The following GAS7 variants were observed in gnomAD, a reference collection of about 807,000 sequenced individuals.
The protein encoded by GAS7 is growth arrest-specific protein 7.
A neutral mutation model predicts 71.1 loss-of-function variants in GAS7; 28 were observed. That is an observed-to-expected ratio of 0.39 (90% CI 0.29 to 0.54). GAS7 has a LOEUF of 0.54. Ranked by LOEUF, GAS7 falls within the 20% of genes least tolerant of loss-of-function variation. The pLI, the probability that GAS7 is intolerant of heterozygous loss-of-function variation, is 0.62. For synonymous variants in GAS7, 258 were observed against 245.8 expected (o/e 1.05, Z -0.46); for missense variants, 436 against 627.8 (o/e 0.69, Z 3.27).
At position 9,917,285 on chromosome 17, in the gene GAS7, C is replaced by T; in HGVS notation, c.1374G>A (p.Glu458=). 1 of 1,614,094 alleles carries T rather than the reference C, an allele frequency of 6.2e-7. No individual in the cohort carries two copies. ...CCGTCTTGTGCTCTCTGACCCACAG[C>T]TCCCTGTCTTTGGCCGGGTCCACTT... ...LRKVDPAKDR[E]LWVREHKTGN... is the part of the protein sequence containing the mutation. Residue 458 remains glutamate (E), a synonymous_variant, in exon 14 of 14, where the codon GAG becomes GAA. Transcript: ENST00000432992.
At chr17:10,045,938 A>G (rs1248485143) in intron 1 of GAS7, among the ~76,000 whole-genome samples, 1 of 152,184 alleles carries the variant, frequency 6.6e-6, no homozygotes, top group Non-Finnish European at 1.5e-5. Context: ...AAGCAATAAT[A>G]TCTATGAAAT....
At chr17:10,020,309 G>A (rs1389547441) in intron 1 of GAS7, among the ~76,000 whole-genome samples, 1 of 152,168 alleles carries the variant, frequency 6.6e-6, no homozygotes, top group Admixed American at 6.5e-5. Context: ...CAAGGCCCCA[G>A]GCTTGCTGTG....
At position 9,981,184 on chromosome 17, in the gene GAS7, C is replaced by T. The variant is rs929051395; in HGVS notation, c.385+620G>A. 1.3e-5 allele frequency among the ~76,000 whole-genome samples: 2 copies of T among 150,996 alleles called. No homozygotes were observed. Among genetic ancestry groups the T allele is most frequent in the African/African-American group, 2.4e-5 (1 of 41,098 alleles). On this transcript the variant is annotated intron_variant, in intron 3 of 13. Coordinates refer to ENST00000432992, the MANE Select transcript of GAS7 (RefSeq NM_201433.2). This position sits in a 1 kb window ranked among gnomAD's most constrained non-coding sequence, Gnocchi z 4.4. ...GTGCGCACCTGCAATCGCAGCTACT[C>T]GGGAGGCTGGGGAACAAGAATCCAT...
chr17:10,101,483 G>A (rs993440209), intron 1 of GAS7, among the ~76,000 whole-genome samples: 3 of 152,234 alleles, frequency 2.0e-5, no homozygotes, highest in Non-Finnish European at 4.4e-5. Flanking sequence ...TCAAGGGGAA[G>A]GGATTACACA....
At chr17:9,918,219 G>GA in intron 12 of GAS7, 120 bp from the exon 13 acceptor site, 1 of 670,248 alleles carries the variant, frequency 1.5e-6, no homozygotes, top group Non-Finnish European at 2.6e-6. Context: ...CTGACTCTCT[G>GA]GGGTCTGATG....
In GAS7 at chr17:10,026,138, C is replaced by T. The variant is rs1187114424; in HGVS notation, c.184-6241G>A. 1 of 984,770 alleles carries T rather than the reference C, an allele frequency of 1.0e-6. No individual in the cohort carries two copies. The highest frequency in any genetic ancestry group is 1.1e-4 in the East Asian group (1 of 8,800). The allele number at this position is 984,770 out of a possible 1,614,324, so 61.0% of individuals were successfully genotyped here. A position where few individuals can be genotyped will look rare whatever the true frequency, so the allele number is the denominator to read the frequency against. ...CCCCCTCCGGAGGTTTCTGAGAACA[C>T]CTGACTCTTACCTTATCCTAAAGCC... On this transcript the variant is annotated intron_variant, in intron 1 of 13. Coordinates refer to ENST00000432992, the MANE Select transcript of GAS7 (RefSeq NM_201433.2). This position sits in a 1 kb window ranked among gnomAD's most constrained non-coding sequence, Gnocchi z 4.5.
At chr17:9,968,353 G>T (rs1364015535) in intron 4 of GAS7, among the ~76,000 whole-genome samples, 3 of 152,122 alleles carry the variant, frequency 2.0e-5, no homozygotes, top group Non-Finnish European at 4.4e-5. Flanking sequence ...CGTCACCTCG[G>T]AGCTGGCTGG....
chr17:10,098,225 T>C (rs2073663528), intron 1 of GAS7, among the ~76,000 whole-genome samples: 1 of 152,084 alleles, frequency 6.6e-6, no homozygotes, highest in African/African-American at 2.4e-5. Context: ...AGCCGCGGGC[T>C]ACAAGGGGTA....
intron 2 of GAS7, among the ~76,000 whole-genome samples, chr17:10,003,236 C>T (rs962957689): frequency 1.3e-5 from 2 of 152,144 alleles, no homozygotes; most frequent in Non-Finnish European, 1.5e-5. Flanking sequence ...CTGGGGGTTC[C>T]GCAGCAGAGA....
intron 8 of GAS7, among the ~76,000 whole-genome samples, chr17:9,936,094 A>G (rs2068391320): frequency 1.3e-5 from 2 of 152,208 alleles, no homozygotes; most frequent in African/African-American, 4.8e-5. Flanking sequence ...GTACATCCAC[A>G]GGAGGAAAAG....
chr17:10,120,157 A>C (rs1185890491), intron 1 of GAS7, among the ~76,000 whole-genome samples: 4 of 39,048 alleles, frequency 1.0e-4, no homozygotes, highest in Admixed American at 3.7e-4. Context: ...ATCTCTTCCC[A>C]CTCCATATCC....
intron 1 of GAS7, among the ~76,000 whole-genome samples, chr17:10,183,860 T>C (rs1350461128): frequency 6.6e-6 from 1 of 151,204 alleles, no homozygotes; most frequent in Non-Finnish European, 1.5e-5. Flanking sequence ...AAAAAAAAGA[T>C]TCTGCAACTT....
chr17:10,013,028 A>T (rs2071838202), intron 2 of GAS7, among the ~76,000 whole-genome samples: 1 of 151,224 alleles, frequency 6.6e-6, no homozygotes, highest in South Asian at 2.1e-4. Flanking sequence ...GCTTGAATCC[A>T]GGAGATGGAG....
chr17:10,098,491 A>T (rs2073666813), intron 1 of GAS7, among the ~76,000 whole-genome samples: 1 of 152,238 alleles, frequency 6.6e-6, no homozygotes, highest in Non-Finnish European at 1.5e-5. Context: ...AGCAAGAAAG[A>T]AGCCTTTGTT....
chr17:9,966,294 G>A (rs1005101876), intron 4 of GAS7, among the ~76,000 whole-genome samples: 1 of 129,098 alleles, frequency 7.7e-6, no homozygotes, highest in African/African-American at 4.1e-5. Context: ...CACCACGACC[G>A]CCCCCTCCCC....
At chr17:10,080,380 C>CT (rs2073446040) in intron 1 of GAS7, among the ~76,000 whole-genome samples, 1 of 152,172 alleles carries the variant, frequency 6.6e-6, no homozygotes, top group African/African-American at 2.4e-5. Context: ...TAATCCACCC[C>CT]TTATTTGGCA....
Position 10,172,676 on chromosome 17 carries a change from T to C in GAS7, c.183+25532A>G, listed in dbSNP as rs918520298. ...CGCCTCTTACAACATTCTGCAGGGCTGAGTAAGCAAGGCAGGGAATTTTAC... is the reference window on the plus strand; with the variant it reads ...CGCCTCTTACAACATTCTGCAGGGCCGAGTAAGCAAGGCAGGGAATTTTAC... On this transcript the variant is annotated intron_variant, in intron 1 of 13. Coordinates refer to ENST00000432992, the MANE Select transcript of GAS7 (RefSeq NM_201433.2). Among the ~76,000 whole-genome samples, 4 of 152,236 alleles carry C rather than the reference T, an allele frequency of 2.6e-5. No homozygotes were observed. In the South Asian group the frequency reaches 8.3e-4, roughly 31 times the overall value.
At chr17:10,152,649 G>A (rs138567778) in intron 1 of GAS7, among the ~76,000 whole-genome samples, 1 of 152,330 alleles carries the variant, frequency 6.6e-6, no homozygotes, top group East Asian at 1.9e-4. Context: ...ACGGTGGAGA[G>A]CAAGATGGCA....
chr17:9,934,100 T>G, intron 9 of GAS7, 66 bp downstream of exon 9: 1 of 1,030,752 alleles, frequency 9.7e-7, no homozygotes, highest in East Asian at 2.4e-5. Context: ...GGAGAGACAG[T>G]TGTTAACTAT....
Sources: gnomAD v4.1 joint callset for allele counts (sites outside exome capture counted in the v4.1 genomes callset) on GRCh38, gnomAD v4.1.1 for gene constraint, Gnocchi (gnomAD v3.1) non-coding constraint, MANE v1.5 for transcripts, NCBI Gene and HGNC (gene_info 2026-07-23, HGNC 2026-07-21) for gene names.